Variants in ADGRB3 observed in about 807,000 individuals in gnomAD.
The protein encoded by ADGRB3 is brain-specific angiogenesis inhibitor 3.
In ADGRB3, 37 loss-of-function variants were observed where a neutral mutation model predicts 193.4. The ratio of observed to expected loss-of-function variants is 0.19; its 90% CI spans 0.15 to 0.25. ADGRB3 has a LOEUF of 0.25. ADGRB3 is among the 10% of genes least tolerant of loss of function. The pLI is 1.00. For missense variants in ADGRB3, 1,637 were observed against 1,852.9 expected (o/e 0.88, Z 2.14); for synonymous variants, 690 against 644.2 (o/e 1.07, Z -1.08).
intron 17 of ADGRB3, among the ~76,000 whole-genome samples, chr6:69,188,732 C>A (rs1203641915): frequency 6.6e-6 from 1 of 152,098 alleles, no homozygotes; most frequent in Non-Finnish European, 1.5e-5. Flanking sequence ...TTAAAAATAT[C>A]TATGTGTCTG....
At chr6:69,050,895 A>AT (rs1327541334) in intron 15 of ADGRB3, among the ~76,000 whole-genome samples, 3 of 152,140 alleles carry the variant, frequency 2.0e-5, no homozygotes, top group African/African-American at 7.2e-5. Flanking sequence ...TTCAACATAA[A>AT]TTTTTTAGAT....
intron 3 of ADGRB3, among the ~76,000 whole-genome samples, chr6:68,781,646 T>A (rs895018544): frequency 6.6e-6 from 1 of 151,874 alleles, no homozygotes; most frequent in Non-Finnish European, 1.5e-5. Flanking sequence ...AATATGATGA[T>A]TACAATTAGA....
chr6:69,243,422 A>G, intron 20 of ADGRB3, among the ~76,000 whole-genome samples: 1 of 151,890 alleles, frequency 6.6e-6, no homozygotes, highest in Non-Finnish European at 1.5e-5. Flanking sequence ...TGTGACCTTT[A>G]GTCAGTGTCA....
In ADGRB3 at chr6:68,888,982, C is replaced by T. The variant is rs191607227; in HGVS notation, c.758-41577C>T. On this transcript the variant is annotated intron_variant, in intron 3 of 31. Transcript: ENST00000370598. Reference sequence around the variant, plus strand: ...ACTCAGATGGCTAGAAAGTGGGAAACATAAAAGTTATGTTCACTGATGTAT... The same window carrying T: ...ACTCAGATGGCTAGAAAGTGGGAAATATAAAAGTTATGTTCACTGATGTAT... 1.2e-4 allele frequency among the ~76,000 whole-genome samples: 19 copies of T among 152,156 alleles called. 1 individual carries two copies. The East Asian group carries it at 3.7e-3, about 29-fold the overall frequency.
intron 3 of ADGRB3, among the ~76,000 whole-genome samples, chr6:68,874,737 A>T (rs1765543898): frequency 6.6e-6 from 1 of 152,190 alleles, no homozygotes; most frequent in Non-Finnish European, 1.5e-5. Context: ...CTACTAATTA[A>T]TTTTAAACAC....
At chr6:68,853,629 A>T (rs1768450104) in intron 3 of ADGRB3, among the ~76,000 whole-genome samples, 1 of 152,086 alleles carries the variant, frequency 6.6e-6, no homozygotes, top group Non-Finnish European at 1.5e-5. Context: ...AAGGGGTGCA[A>T]CATTATTTAT....
chr6:69,115,021 G>T lies in ADGRB3; in HGVS notation c.2480+38983G>T, dbSNP rs565345896. 2.0e-5 allele frequency among the ~76,000 whole-genome samples: 3 copies of T among 152,302 alleles called. 1 individual carries two copies. The South Asian group carries it at 6.2e-4, about 32-fold the overall frequency. Reference sequence around the variant, plus strand: ...GGGAGTGTAAATTCGTTCAACCATTGTGGAGGACAGTGTGGCGATTCCTCA... The same window carrying T: ...GGGAGTGTAAATTCGTTCAACCATTTTGGAGGACAGTGTGGCGATTCCTCA... On this transcript the variant is annotated intron_variant, in intron 17 of 31. Coordinates refer to ENST00000370598, the MANE Select transcript of ADGRB3 (RefSeq NM_001704.3).
At chr6:68,718,976 G>C (rs1180283858) in intron 3 of ADGRB3, among the ~76,000 whole-genome samples, 18 of 151,694 alleles carry the variant, frequency 1.2e-4, no homozygotes, top group Admixed American at 1.2e-3. Flanking sequence ...TTTACCATCT[G>C]GTTCTTTAGA....
chr6:69,165,987 A>G (rs913420962), intron 17 of ADGRB3, among the ~76,000 whole-genome samples: 2 of 152,144 alleles, frequency 1.3e-5, no homozygotes. Flanking sequence ...AAATATTAAC[A>G]AATTATTGAA....
intron 17 of ADGRB3, among the ~76,000 whole-genome samples, chr6:69,218,046 T>TA (rs1378165602): frequency 1.9e-5 from 2 of 107,222 alleles, no homozygotes; most frequent in African/African-American, 7.3e-5. Flanking sequence ...GGTGAACATG[T>TA]AAAAGCCTTA....
At chr6:68,712,497 T>C (rs1327824370) in intron 3 of ADGRB3, among the ~76,000 whole-genome samples, 1 of 151,914 alleles carries the variant, frequency 6.6e-6, no homozygotes, top group Non-Finnish European at 1.5e-5. Flanking sequence ...CTACATTACA[T>C]TTTTCAGAAA....
intron 3 of ADGRB3, among the ~76,000 whole-genome samples, chr6:68,771,688 T>C (rs1227552114): frequency 6.6e-6 from 1 of 152,072 alleles, no homozygotes; most frequent in Non-Finnish European, 1.5e-5. Context: ...AGCAATATCA[T>C]GTAATTTCAA....
At chr6:69,202,596 T>A (rs948658730) in intron 17 of ADGRB3, among the ~76,000 whole-genome samples, 1 of 152,144 alleles carries the variant, frequency 6.6e-6, no homozygotes, top group African/African-American at 2.4e-5. Context: ...TATACCTAAA[T>A]AACACAGTCA....
At chr6:68,775,995 G>T (rs1163313695) in intron 3 of ADGRB3, among the ~76,000 whole-genome samples, 1 of 152,132 alleles carries the variant, frequency 6.6e-6, no homozygotes, top group African/African-American at 2.4e-5. Flanking sequence ...ATGTAGAATT[G>T]TGCTGTGTCA....
At chr6:68,852,883 G>T (rs922599172) in intron 3 of ADGRB3, among the ~76,000 whole-genome samples, 1 of 151,984 alleles carries the variant, frequency 6.6e-6, no homozygotes, top group South Asian at 2.1e-4. Context: ...TTGGCTCTGA[G>T]TATGGAATAA....
At chr6:68,664,092 A>T (rs1768738410) in intron 3 of ADGRB3, among the ~76,000 whole-genome samples, 1 of 151,840 alleles carries the variant, frequency 6.6e-6, no homozygotes, top group Non-Finnish European at 1.5e-5. Context: ...TTAAAATGAT[A>T]AGTGTTCTCA....
chr6:68,638,689 G>C lies in ADGRB3; in HGVS notation c.14G>C (p.Arg5Pro). 6.2e-7 allele frequency: 1 copy of C among 1,613,260 alleles called. No homozygotes were observed. The highest frequency in any genetic ancestry group is 8.5e-7 in the Non-Finnish European group (1 of 1,179,562). ...AAATGACATAGGATGAAGGCTGTTC[G>C]TAACCTGCTGATTTATATATTTTCC... MKAVRNLLIYIFSTY... is the reference protein window; with the variant it reads MKAVPNLLIYIFSTY... The change falls in exon 3 of 32, where the codon CGT becomes CCT. Residue 5 changes from arginine to proline, a missense_variant. Physicochemically the swap from Arg to Pro is moderately radical, Grantham distance 103 (BLOSUM62 -2). Around this residue, in one of 7 missense-constraint regions of ADGRB3, gnomAD observed 365 missense variants for 409.8 expected, o/e 0.89. Coordinates refer to ENST00000370598, the MANE Select transcript of ADGRB3 (RefSeq NM_001704.3).
At chr6:68,810,384 T>A (rs1767487385) in intron 3 of ADGRB3, among the ~76,000 whole-genome samples, 1 of 152,202 alleles carries the variant, frequency 6.6e-6, no homozygotes, top group South Asian at 2.1e-4. Context: ...AGACCTTTGG[T>A]GAACTACCTA....
At chr6:69,076,205 G>T (rs1023339346) in intron 17 of ADGRB3, among the ~76,000 whole-genome samples, 167 bp downstream of exon 17, 2 of 152,044 alleles carry the variant, frequency 1.3e-5, no homozygotes, top group East Asian at 3.9e-4. Flanking sequence ...GAATGTGTTT[G>T]TGTGTAATGA....
Sources: allele counts gnomAD v4.1 joint callset (sites outside exome capture counted in the v4.1 genomes callset), GRCh38; gene constraint gnomAD v4.1.1; regional missense constraint gnomAD v4.1.1; transcripts MANE v1.5; gene names NCBI Gene and HGNC (gene_info 2026-07-23, HGNC 2026-07-21).